LTBP2: variants seen among roughly 807,000 people sequenced by gnomAD.
LTBP2 encodes the protein latent-transforming growth factor beta-binding protein 2.
LTBP2 carries 103 observed loss-of-function variants against 210.6 expected under a neutral mutation model. The ratio of observed to expected loss-of-function variants is 0.49; its 90% CI spans 0.42 to 0.58. LTBP2 has a LOEUF of 0.58. Among genes scored for constraint, LTBP2 ranks in the 20% least tolerant of loss-of-function variants. LTBP2 has a pLI of 0.00. For synonymous variants in LTBP2, 1,007 were observed against 1,015.0 expected (o/e 0.99, Z 0.15); for missense variants, 2,313 against 2,494.5 (o/e 0.93, Z 1.55).
intron 14 of LTBP2, 112 bp from the exon 15 acceptor site, chr14:74,525,337 G>A: frequency 2.1e-6 from 1 of 478,698 alleles, no homozygotes; most frequent in Non-Finnish European, 3.6e-6. Flanking sequence ...CCTGGGGTGG[G>A]TCACTCCCAT....
In LTBP2 at chr14:74,599,219, G is replaced by A. The variant is rs907654859; in HGVS notation, c.565+4416C>T. Among the ~76,000 whole-genome samples the A allele has an allele frequency of 5.6e-4, 85 of 152,354 alleles. 1 individual carries two copies. Among genetic ancestry groups the A allele is most frequent in the Non-Finnish European group, 1.3e-4 (9 of 68,040 alleles). The stretch of plus-strand genomic sequence containing the variant: ...ACTCAAACACGTCTCCAGGGATCTG[G>A]TGCCAGAATCCAAAGTACATGCTCT... On this transcript the variant is annotated intron_variant, in intron 2 of 35. Transcript: ENST00000261978.
intron 3 of LTBP2, among the ~76,000 whole-genome samples, chr14:74,584,269 G>T (rs957076468): frequency 3.3e-5 from 5 of 152,136 alleles, no homozygotes; most frequent in Admixed American, 2.6e-4. Flanking sequence ...TGCAGCAGGG[G>T]ACTTCAAACG....
Position 74,586,168 on chromosome 14 carries a change from C to T in LTBP2, c.566-50G>A. The T allele has an allele frequency of 6.5e-7, 1 of 1,543,836 alleles. No homozygotes were observed. The highest frequency in any genetic ancestry group is 1.2e-5 in the South Asian group (1 of 84,452). ...CAGCAGTGGCCATAGGGCACTGAGA[C>T]CACAGCTGCCCACACCTTCCTGTCA... On this transcript the variant is annotated intron_variant, in intron 2 of 35. Coordinates refer to ENST00000261978, the MANE Select transcript of LTBP2 (RefSeq NM_000428.3). The surrounding 1 kb of genome is among the most constrained non-coding windows in gnomAD (Gnocchi z 4.6).
In LTBP2 at chr14:74,498,787, A is replaced by G. The variant is rs1297281068; in HGVS notation, c.*2097T>C. The G allele has an allele frequency of 8.7e-6, 2 of 230,624 alleles. No individual in the cohort carries two copies. Among genetic ancestry groups the G allele is most frequent in the East Asian group, 6.1e-5 (1 of 16,302 alleles). 14.3% of individuals were successfully genotyped at this position (230,624 alleles called of 1,614,324 possible). ...AACAGACAACCGCTTCTCTTTCCCC[A>G]TTCTTTAGACAAATAGTGTTATGTT... On this transcript the variant is annotated 3_prime_UTR_variant, in exon 36 of 36. Coordinates refer to ENST00000261978, the MANE Select transcript of LTBP2 (RefSeq NM_000428.3).
chr14:74,503,131 T>G (rs2086933518), intron 33 of LTBP2, 88 bp downstream of exon 33: 1 of 1,576,066 alleles, frequency 6.3e-7, no homozygotes, highest in African/African-American at 1.3e-5. Flanking sequence ...CTGCTCCTTC[T>G]TTCTAGATCC....
intron 2 of LTBP2, among the ~76,000 whole-genome samples, chr14:74,595,781 G>A (rs1488814377): frequency 1.3e-5 from 2 of 152,228 alleles, no homozygotes; most frequent in African/African-American, 2.4e-5. Flanking sequence ...GAGCCTCAGT[G>A]TTCTTCTCTA....
intron 24 of LTBP2, 147 bp from the exon 25 acceptor site, chr14:74,508,242 G>T: frequency 2.0e-6 from 2 of 1,004,364 alleles, no homozygotes; most frequent in Non-Finnish European, 3.0e-6. Flanking sequence ...AGGCCAGGCT[G>T]TGGGAGGTGG....
At chr14:74,534,495 T>A (rs1253189670) in intron 9 of LTBP2, among the ~76,000 whole-genome samples, 2 of 152,158 alleles carry the variant, frequency 1.3e-5, no homozygotes, top group African/African-American at 4.8e-5. Context: ...TGGCCTTAGG[T>A]ATCACCTTTT....
chr14:74,524,324 C>T (rs2087243649), intron 15 of LTBP2, among the ~76,000 whole-genome samples: 1 of 152,052 alleles, frequency 6.6e-6, no homozygotes, highest in African/African-American at 2.4e-5. Context: ...GGCTGGACCC[C>T]TACTCCCCAC....
chr14:74,552,792 A>T (rs2087677650), intron 5 of LTBP2, 100 bp downstream of exon 5: 3 of 1,440,230 alleles, frequency 2.1e-6, no homozygotes, highest in Non-Finnish European at 2.8e-6. Flanking sequence ...GTGGAGCCAC[A>T]GTTTGGGAGC....
At position 74,503,168 on chromosome 14, in the gene LTBP2, T is replaced by A. The variant is rs113633445; in HGVS notation, c.4888+51A>T. ...CAGTTCCAAGGTGAGGGCATCCCCC[T>A]CCCTGGGGCCTGGCCCAGCCCTGCA... On this transcript the variant is annotated intron_variant, in intron 33 of 35. Transcript: ENST00000261978. 1.7e-3 allele frequency: 2,779 copies of A among 1,605,558 alleles called. 25 individuals are homozygous for A. The African/African-American group carries it at 0.024, about 14-fold the overall frequency.
At chr14:74,536,869 G>C (rs1259946396) in intron 8 of LTBP2, among the ~76,000 whole-genome samples, 1 of 152,004 alleles carries the variant, frequency 6.6e-6, no homozygotes, top group Non-Finnish European at 1.5e-5. Context: ...AAATAGTTGT[G>C]CACCACAAAT....
chr14:74,513,964 G>A (rs1037746344), intron 18 of LTBP2, among the ~76,000 whole-genome samples: 2 of 152,232 alleles, frequency 1.3e-5, no homozygotes, highest in East Asian at 1.9e-4. Context: ...GGGAGGGGGA[G>A]GGCAGATGAT....
chr14:74,559,010 C>T (rs61654245), intron 3 of LTBP2, among the ~76,000 whole-genome samples: 14,358 of 152,082 alleles, frequency 0.094, 991 homozygotes, highest in African/African-American at 0.19. Context: ...GTGAGGATGA[C>T]GAGAACAGTG....
intron 2 of LTBP2, among the ~76,000 whole-genome samples, chr14:74,587,547 A>G (rs2088224953): frequency 6.6e-6 from 1 of 151,424 alleles, no homozygotes; most frequent in African/African-American, 2.4e-5. Flanking sequence ...CGAGGCGAAG[A>G]CCAGGCTGTG....
chr14:74,509,214 C>T (rs1236179970), intron 22 of LTBP2, 24 bp downstream of exon 22: 38 of 1,613,252 alleles, frequency 2.4e-5, no homozygotes, highest in Non-Finnish European at 3.2e-5. Flanking sequence ...CCATTTGTAT[C>T]CTCTCCCACA....
chr14:74,509,335 G>C lies in LTBP2; in HGVS notation c.3306C>G (p.Val1102=), dbSNP rs2087038449. The change falls in exon 22 of 36, where the codon GTC becomes GTG. Residue 1102 remains valine (V), a synonymous_variant. Coordinates refer to ENST00000261978, the MANE Select transcript of LTBP2 (RefSeq NM_000428.3). ...EDLDECAFPG[V]CPSGVCTNTA... ...TGTTGGTGCAGACTCCGGAGGGGCA[G>C]ACTCCCGGGAAGGCACACTCATCTA... 1 of 1,613,436 alleles carries C rather than the reference G, an allele frequency of 6.2e-7. No homozygotes were observed. Among genetic ancestry groups the C allele is most frequent in the East Asian group, 2.2e-5 (1 of 44,844 alleles).
chr14:74,531,420 G>A (rs1402251697), intron 10 of LTBP2, among the ~76,000 whole-genome samples: 1 of 152,138 alleles, frequency 6.6e-6, no homozygotes, highest in Non-Finnish European at 1.5e-5. Flanking sequence ...TAGAAGGAAG[G>A]GTGTAAGCCT....
chr14:74,611,913 C>A lies in LTBP2; in HGVS notation c.32G>T (p.Gly11Val). The change falls in exon 1 of 36, where the codon GGG becomes GTG. Residue 11 changes from glycine to valine, a missense_variant. This residue lies in a region of LTBP2 where 1,867 missense variants were observed against 1,976.9 expected (regional missense o/e 0.94). Coordinates refer to ENST00000261978, the MANE Select transcript of LTBP2 (RefSeq NM_000428.3). ...TCTCCAGGGGTTCCGCAGGGCGCGC[C>A]CCGGGCTGCGGGCTTTGGTCCGCGG... MRPRTKARSP[G>V]RALRNPWRGF... 2 of 1,593,540 alleles carry A rather than the reference C, an allele frequency of 1.3e-6. No individual in the cohort carries two copies. Among genetic ancestry groups the A allele is most frequent in the Non-Finnish European group, 1.7e-6 (2 of 1,173,390 alleles).
Sources: allele counts gnomAD v4.1 joint callset (sites outside exome capture counted in the v4.1 genomes callset), GRCh38; gene constraint gnomAD v4.1.1; regional missense constraint gnomAD v4.1.1; non-coding constraint Gnocchi (gnomAD v3.1); transcripts MANE v1.5; gene names NCBI Gene and HGNC (gene_info 2026-07-23, HGNC 2026-07-21).